Variants in CEP104 observed in about 807,000 individuals in gnomAD.
The protein encoded by CEP104 is centrosomal protein 104.
In CEP104, 84 loss-of-function variants were observed where a neutral mutation model predicts 113.3. The ratio of observed to expected loss-of-function variants is 0.74; its 90% CI spans 0.62 to 0.89. The LOEUF (loss-of-function observed/expected upper bound fraction) is 0.89. CEP104 is among the 40% of genes least tolerant of loss of function. CEP104 has a pLI of 0.00. For missense variants in CEP104, 1,053 were observed against 1,156.6 expected (o/e 0.91, Z 1.30); for synonymous variants, 378 against 421.7 (o/e 0.90, Z 1.27).
intron 1 of CEP104, among the ~76,000 whole-genome samples, chr1:3,856,204 T>C (rs1325041496): frequency 2.0e-5 from 3 of 151,820 alleles, no homozygotes; most frequent in Admixed American, 6.6e-5. Context: ...AGGTCAGGAG[T>C]TCGAGACCAG....
Position 3,852,712 on chromosome 1 carries a change from G to C in CEP104, c.-14-291C>G, listed in dbSNP as rs6668213. On this transcript the variant is annotated intron_variant, in intron 1 of 21. Transcript: ENST00000378230. ...CCAAAAGGATACGCTGAAGTTCCAC[G>C]TGTGGTACCCGTGAAGGAGACCTCA... Among the ~76,000 whole-genome samples, 81,733 of 151,956 alleles carry C rather than the reference G, an allele frequency of 0.54. 24,496 individuals are homozygous for C. Among genetic ancestry groups the C allele is most frequent in the Non-Finnish European group, 0.68 (46,269 of 67,930 alleles).
At chr1:3,850,930 A>G (rs1644598851) in intron 2 of CEP104, among the ~76,000 whole-genome samples, 2 of 152,214 alleles carry the variant, frequency 1.3e-5, no homozygotes, top group African/African-American at 2.4e-5. Context: ...TCAATCCCCA[A>G]ATAACACGGA....
At position 3,823,392 on chromosome 1, in the gene CEP104, G is replaced by C. The variant is rs377753054; in HGVS notation, c.2503+32C>G. The C allele has an allele frequency of 6.2e-7, 1 of 1,613,944 alleles. No homozygotes were observed. Among genetic ancestry groups the C allele is most frequent in the African/African-American group, 1.3e-5 (1 of 74,920 alleles). On this transcript the variant is annotated intron_variant, in intron 19 of 21. Transcript: ENST00000378230. This position sits in a 1 kb window ranked among gnomAD's most constrained non-coding sequence, Gnocchi z 4.1. Reference sequence around the variant, plus strand: ...CCTCCAAGAGGACCCCTGGTGACCCGAGGGCACGGGAGCCTGGGAAGGGGC... The same window carrying C: ...CCTCCAAGAGGACCCCTGGTGACCCCAGGGCACGGGAGCCTGGGAAGGGGC...
intron 1 of CEP104, chr1:3,855,747 G>T: frequency 3.9e-6 from 1 of 253,444 alleles, no homozygotes; most frequent in Non-Finnish European, 6.2e-6. Context: ...AAACCTTCAA[G>T]TGTTACATAA....
intron 11 of CEP104, among the ~76,000 whole-genome samples, chr1:3,834,523 A>G (rs1181965157): frequency 2.6e-5 from 4 of 152,246 alleles, no homozygotes; most frequent in African/African-American, 7.2e-5. Context: ...TAGAAGCCCA[A>G]CTGTGCAATG....
chr1:3,839,951 T>C (rs1644384363), intron 6 of CEP104, among the ~76,000 whole-genome samples, 175 bp from the exon 7 acceptor site: 1 of 152,170 alleles, frequency 6.6e-6, no homozygotes, highest in Non-Finnish European at 1.5e-5. Context: ...CACAAAGCTC[T>C]TAATTGCAAG....
In CEP104 at chr1:3,815,305, G is replaced by T; in HGVS notation, c.*97C>A. On this transcript the variant is annotated 3_prime_UTR_variant, in exon 22 of 22. Transcript: ENST00000378230. ...CGGGGAGCTGGGGACAGCAGCCAGAGCATGGGGCCACCAAGGCCAGAGAGT... is the reference window on the plus strand; with the variant it reads ...CGGGGAGCTGGGGACAGCAGCCAGATCATGGGGCCACCAAGGCCAGAGAGT... 1.1e-6 allele frequency: 1 copy of T among 916,104 alleles called. No homozygotes were observed. The highest frequency in any genetic ancestry group is 1.7e-6 in the Non-Finnish European group (1 of 586,694). 56.7% of individuals were successfully genotyped at this position (916,104 alleles called of 1,614,324 possible).
At chr1:3,850,547 G>T (rs993946436) in intron 2 of CEP104, among the ~76,000 whole-genome samples, 17 of 152,176 alleles carry the variant, frequency 1.1e-4, no homozygotes, top group Non-Finnish European at 4.4e-5. Context: ...CCCCGTCAGT[G>T]TCTCTCCTGG....
chr1:3,822,609 C>A (rs1004503449), intron 20 of CEP104, among the ~76,000 whole-genome samples: 1 of 152,118 alleles, frequency 6.6e-6, no homozygotes. Context: ...TGCCACGGAG[C>A]CTTGCACGCC....
chr1:3,825,742 G>C lies in CEP104; in HGVS notation c.2364+16C>G. On this transcript the variant is annotated intron_variant, in intron 18 of 21. Transcript: ENST00000378230. ...CCGCTCATGCAAGTAGCTGGCTGCT[G>C]TGCCGCTGGCCTGACCTGTTTGCAG... The C allele has an allele frequency of 6.4e-7, 1 of 1,552,838 alleles. No individual in the cohort carries two copies. The highest frequency in any genetic ancestry group is 8.9e-7 in the Non-Finnish European group (1 of 1,124,574).
At chr1:3,856,036 A>G (rs1214418113) in intron 1 of CEP104, 1 of 745,684 alleles carries the variant, frequency 1.3e-6, no homozygotes, top group Non-Finnish European at 1.6e-6. Flanking sequence ...TATAAATTAA[A>G]CGGAAACTCA....
At chr1:3,822,818 C>T (rs3737595) in intron 20 of CEP104, 4,264 of 208,224 alleles carry the variant, frequency 0.02, 74 homozygotes, top group Middle Eastern at 0.042. Flanking sequence ...GCAAAAGGGA[C>T]CGCAGTGTTA....
chr1:3,839,196 CACGCGTGA>C (rs1644369462), intron 7 of CEP104, 77 bp from the exon 8 acceptor site: 1 of 1,295,124 alleles, frequency 7.7e-7, no homozygotes, highest in Admixed American at 1.7e-5. Flanking sequence ...TTTTAAGAAT[CACGCGTGA>C]ACCGTCTTGC....
At chr1:3,831,250 T>C (rs1349236308) in intron 12 of CEP104, 28 bp from the exon 13 acceptor site, 2 of 1,599,872 alleles carry the variant, frequency 1.3e-6, no homozygotes, top group Non-Finnish European at 1.7e-6. Context: ...ATTTGTTAAT[T>C]TTTACTGGAA....
At chr1:3,845,075 A>AGG (rs1644483690) in intron 5 of CEP104, 92 bp from the exon 6 acceptor site, 2 of 1,150,304 alleles carry the variant, frequency 1.7e-6, no homozygotes, top group Non-Finnish European at 1.3e-6. Context: ...TAAAGCTGTC[A>AGG]GCAAGGTTCA....
chr1:3,828,737 A>G (rs1450407706), intron 15 of CEP104, among the ~76,000 whole-genome samples: 2 of 152,198 alleles, frequency 1.3e-5, no homozygotes, highest in East Asian at 1.9e-4. Context: ...ACTTCATCAT[A>G]AAATTAGTGT....
chr1:3,839,793 C>A lies in CEP104; in HGVS notation c.567-17G>T, dbSNP rs1371749886. On this transcript the variant is annotated splice_polypyrimidine_tract_variant and intron_variant, in intron 6 of 21. Transcript: ENST00000378230. ...TCAGATTTCCTAAAGGGAAGAAATG[C>A]ATATTTTAGAGATAATTTCACGCCC... 2.5e-6 allele frequency: 4 copies of A among 1,601,214 alleles called. No individual in the cohort carries two copies. The highest frequency in any genetic ancestry group is 2.6e-6 in the Non-Finnish European group (3 of 1,174,526).
intron 15 of CEP104, among the ~76,000 whole-genome samples, chr1:3,827,085 G>C (rs1374709681): frequency 6.6e-6 from 1 of 152,160 alleles, no homozygotes; most frequent in Admixed American, 6.5e-5. Flanking sequence ...CTGGGAGGTG[G>C]AGGCTGCAGT....
intron 1 of CEP104, among the ~76,000 whole-genome samples, chr1:3,856,251 A>G (rs1206195509): frequency 6.6e-6 from 1 of 152,204 alleles, no homozygotes; most frequent in Non-Finnish European, 1.5e-5. Flanking sequence ...TCTACTAAAA[A>G]TAAAAAAATT....
Sources: allele counts gnomAD v4.1 joint callset (sites outside exome capture counted in the v4.1 genomes callset), GRCh38; gene constraint gnomAD v4.1.1; non-coding constraint Gnocchi (gnomAD v3.1); transcripts MANE v1.5; gene names NCBI Gene and HGNC (gene_info 2026-07-23, HGNC 2026-07-21).